Variants in ZNF385B observed in about 807,000 individuals in gnomAD.
ZNF385B encodes zinc finger protein 533.
In ZNF385B, 23 loss-of-function variants were observed where a neutral mutation model predicts 39.2. That is an observed-to-expected ratio of 0.59 (90% confidence interval 0.42 to 0.83). ZNF385B has a LOEUF of 0.83. Among genes scored for constraint, ZNF385B ranks in the 40% least tolerant of loss-of-function variants. ZNF385B has a pLI of 0.00. For missense variants in ZNF385B, 552 were observed against 598.9 expected (o/e 0.92, Z 0.82); for synonymous variants, 205 against 222.6 (o/e 0.92, Z 0.70).
chr2:179,723,983 A>G (rs1700850565), intron 3 of ZNF385B, among the ~76,000 whole-genome samples: 1 of 152,134 alleles, frequency 6.6e-6, no homozygotes, highest in Non-Finnish European at 1.5e-5. Context: ...AATTAGTACA[A>G]TCTTATGTTA....
intron 6 of ZNF385B, among the ~76,000 whole-genome samples, 192 bp from the exon 7 acceptor site, chr2:179,446,962 T>C (rs1480507362): frequency 2.0e-5 from 3 of 152,204 alleles, no homozygotes; most frequent in African/African-American, 2.4e-5. Flanking sequence ...TCAGTTTCCA[T>C]ATTAGGTCAT....
intron 6 of ZNF385B, among the ~76,000 whole-genome samples, chr2:179,474,627 T>G (rs1290882555): frequency 6.6e-6 from 1 of 152,160 alleles, no homozygotes; most frequent in Non-Finnish European, 1.5e-5. Context: ...CAGTTACATG[T>G]TATTATTAGT....
chr2:179,858,559 A>C (rs985698541), intron 1 of ZNF385B, among the ~76,000 whole-genome samples: 2 of 152,168 alleles, frequency 1.3e-5, no homozygotes. Flanking sequence ...AATCCCCAAA[A>C]ATTTTTTTAA....
intron 3 of ZNF385B, among the ~76,000 whole-genome samples, chr2:179,760,229 T>C (rs369973347): frequency 4.5e-3 from 640 of 141,834 alleles, no homozygotes; most frequent in African/African-American, 0.013. Flanking sequence ...TGTGCGTGTG[T>C]GTGTGTGTGT....
intron 4 of ZNF385B, among the ~76,000 whole-genome samples, chr2:179,536,021 A>C (rs2059543912): frequency 6.6e-6 from 1 of 152,220 alleles, no homozygotes; most frequent in Admixed American, 6.5e-5. Context: ...TCACTGATTA[A>C]AGTTTATAGA....
chr2:179,794,961 G>A (rs527983609), intron 1 of ZNF385B, among the ~76,000 whole-genome samples: 5 of 152,004 alleles, frequency 3.3e-5, no homozygotes, highest in African/African-American at 1.2e-4. Flanking sequence ...TATGTGAGGA[G>A]GAGAATTTTT....
chr2:179,478,003 C>G (rs1265069659), intron 6 of ZNF385B, among the ~76,000 whole-genome samples: 1 of 152,138 alleles, frequency 6.6e-6, no homozygotes, highest in Non-Finnish European at 1.5e-5. Context: ...TCTTCCTTTG[C>G]CCATTGGAAT....
intron 3 of ZNF385B, among the ~76,000 whole-genome samples, chr2:179,593,019 T>G (rs187274936): frequency 6.6e-6 from 1 of 152,146 alleles, no homozygotes; most frequent in African/African-American, 2.4e-5. Flanking sequence ...AAAAAGTTAC[T>G]GTTCAAAGGG....
intron 4 of ZNF385B, among the ~76,000 whole-genome samples, chr2:179,540,472 C>G (rs889532534): frequency 2.0e-5 from 3 of 151,422 alleles, no homozygotes; most frequent in Middle Eastern, 3.2e-3. Context: ...AAACAAAACA[C>G]CAACCAAACA....
intron 3 of ZNF385B, among the ~76,000 whole-genome samples, chr2:179,545,834 T>C (rs2060197173): frequency 6.6e-6 from 1 of 152,160 alleles, no homozygotes; most frequent in African/African-American, 2.4e-5. Flanking sequence ...CAATGCATAA[T>C]AATCACCTCA....
At chr2:179,684,008 G>A (rs75701836) in intron 3 of ZNF385B, among the ~76,000 whole-genome samples, 6,106 of 152,046 alleles carry the variant, frequency 0.04, 170 homozygotes, top group Middle Eastern at 0.058. Context: ...AATAAGAAAC[G>A]TTATAAATTT....
chr2:179,789,029 T>A (rs1705170229), intron 1 of ZNF385B, among the ~76,000 whole-genome samples: 1 of 152,222 alleles, frequency 6.6e-6, no homozygotes, highest in Non-Finnish European at 1.5e-5. Flanking sequence ...TTATAATTGA[T>A]CTTTTAAAAG....
intron 1 of ZNF385B, among the ~76,000 whole-genome samples, chr2:179,772,938 T>G (rs1367479965): frequency 2.0e-5 from 3 of 152,166 alleles, no homozygotes; most frequent in Non-Finnish European, 4.4e-5. Flanking sequence ...ACCAACAACT[T>G]AACATTCATA....
chr2:179,844,981 A>C (rs1399597443), intron 1 of ZNF385B, among the ~76,000 whole-genome samples: 1 of 152,196 alleles, frequency 6.6e-6, no homozygotes, highest in Non-Finnish European at 1.5e-5. Context: ...CATGTACAGT[A>C]TCCATATACC....
At chr2:179,737,041 C>G (rs761024687) in intron 3 of ZNF385B, among the ~76,000 whole-genome samples, 3 of 152,158 alleles carry the variant, frequency 2.0e-5, no homozygotes, top group Non-Finnish European at 4.4e-5. Context: ...TCACGTCTTG[C>G]CTTCATTTCC....
At chr2:179,754,373 G>A (rs1702879296) in intron 3 of ZNF385B, among the ~76,000 whole-genome samples, 1 of 152,150 alleles carries the variant, frequency 6.6e-6, no homozygotes, top group Non-Finnish European at 1.5e-5. Context: ...ATATTCATCA[G>A]GGATATTGGT....
intron 3 of ZNF385B, among the ~76,000 whole-genome samples, chr2:179,664,558 A>T (rs958460303): frequency 4.6e-5 from 7 of 152,328 alleles, no homozygotes; most frequent in Admixed American, 4.6e-4. Flanking sequence ...AAAAAGAAAA[A>T]AATTGTTGTG....
intron 4 of ZNF385B, among the ~76,000 whole-genome samples, chr2:179,540,761 AGGTAATT>A (rs2059872867): frequency 6.6e-6 from 1 of 152,214 alleles, no homozygotes; most frequent in Admixed American, 6.5e-5. Flanking sequence ...ACAGATTAAC[AGGTAATT>A]AAACTATGGT....
chr2:179,505,316 AG>A (rs200059401), intron 5 of ZNF385B, among the ~76,000 whole-genome samples: 3,183 of 151,404 alleles, frequency 0.021, 44 homozygotes, highest in Non-Finnish European at 0.029. Flanking sequence ...TAAAAAAAAA[AG>A]GAGATTGTTA....
Sources: gnomAD v4.1 joint callset for allele counts (sites outside exome capture counted in the v4.1 genomes callset) on GRCh38, gnomAD v4.1.1 for gene constraint, MANE v1.5 for transcripts, NCBI Gene and HGNC (gene_info 2026-07-23, HGNC 2026-07-21) for gene names.